IL1RAPL1: variants seen among roughly 807,000 people sequenced by gnomAD.
The protein encoded by IL1RAPL1 is interleukin 1 receptor accessory protein like 1, also known as interleukin-1 receptor accessory protein-like 1.
Under a neutral mutation model 48.4 loss-of-function variants are expected in IL1RAPL1, and 3 were observed. The ratio of observed to expected loss-of-function variants is 0.06; its 90% confidence interval spans 0.03 to 0.16. IL1RAPL1 has a LOEUF of 0.16. Among genes scored for constraint, IL1RAPL1 ranks in the 10% least tolerant of loss-of-function variants. The probability of loss-of-function intolerance (pLI) is 1.00; values close to 1 mark genes in which losing one functional copy is unlikely to be tolerated. For synonymous variants in IL1RAPL1, 185 were observed against 187.7 expected (o/e 0.99, Z 0.12); for missense variants, 349 against 530.6 (o/e 0.66, Z 3.36).
At chrX:28,789,287 G>A in intron 1 of IL1RAPL1, 33 bp from the exon 2 acceptor site, 1 of 835,535 alleles carries the variant, frequency 1.2e-6, no homozygotes, top group African/African-American at 2.0e-5. Context: ...TTTAAAACAT[G>A]TATGTTTTTC....
At chrX:29,112,985 G>A (rs1928605804) in intron 2 of IL1RAPL1, among the ~76,000 whole-genome samples, 1 of 109,558 alleles carries the variant, frequency 9.1e-6, no homozygotes, top group Non-Finnish European at 1.9e-5. Flanking sequence ...CTAGTTTTTT[G>A]TATTTTTAGT....
chrX:29,786,306 G>C (rs1036750501), intron 6 of IL1RAPL1, among the ~76,000 whole-genome samples: 7 of 111,150 alleles, frequency 6.3e-5, no homozygotes, highest in Non-Finnish European at 1.1e-4. Flanking sequence ...AAGGAAATAA[G>C]AGCACCCAGA....
chrX:29,713,220 T>C (rs1049255030), intron 6 of IL1RAPL1, among the ~76,000 whole-genome samples: 1 of 111,943 alleles, frequency 8.9e-6, no homozygotes, highest in African/African-American at 3.2e-5. Flanking sequence ...ATGTTTCTTG[T>C]AGCTATTTGA....
rs186659557 is a variant in IL1RAPL1, at chrX:29,569,772, T to A, written c.704-98658T>A. Among the ~76,000 whole-genome samples, 628 of 112,124 alleles carry A rather than the reference T, an allele frequency of 5.6e-3. 6 individuals carry two copies. Among genetic ancestry groups the A allele is most frequent in the Middle Eastern group, 0.023 (5 of 215 alleles). Reference sequence around the variant, plus strand: ...TATCAATGTAGGATAAATGGAAACATGTTAAGATTTGATTATTAAGCTTTG... The same window carrying A: ...TATCAATGTAGGATAAATGGAAACAAGTTAAGATTTGATTATTAAGCTTTG... On this transcript the variant is annotated intron_variant, in intron 5 of 10. Coordinates refer to ENST00000378993, the MANE Select transcript of IL1RAPL1 (RefSeq NM_014271.4).
intron 6 of IL1RAPL1, among the ~76,000 whole-genome samples, chrX:29,725,371 C>T (rs150123059): frequency 0.01 from 1,152 of 111,041 alleles, 11 homozygotes; most frequent in African/African-American, 0.035. Context: ...GCTTCCTAAG[C>T]CCTCATGGTT....
At chrX:29,410,362 G>A (rs959454041) in intron 5 of IL1RAPL1, among the ~76,000 whole-genome samples, 5 of 108,711 alleles carry the variant, frequency 4.6e-5, no homozygotes. Context: ...TCAGGAGGCT[G>A]AGGCAGGAGA....
intron 5 of IL1RAPL1, among the ~76,000 whole-genome samples, chrX:29,592,012 T>A (rs1406482647): frequency 3.6e-5 from 4 of 111,567 alleles, no homozygotes; most frequent in Non-Finnish European, 7.5e-5. Flanking sequence ...GAGGATCTGA[T>A]GAACGGGTGA....
At chrX:29,944,314 C>T (rs912132896) in intron 9 of IL1RAPL1, among the ~76,000 whole-genome samples, 1 of 111,371 alleles carries the variant, frequency 9.0e-6, no homozygotes, top group Non-Finnish European at 1.9e-5. Flanking sequence ...TAAAGCAGAC[C>T]CGTTCCTGCT....
At chrX:29,467,498 A>G (rs1395737971) in intron 5 of IL1RAPL1, among the ~76,000 whole-genome samples, 1 of 112,352 alleles carries the variant, frequency 8.9e-6, no homozygotes, top group African/African-American at 3.2e-5. Flanking sequence ...GCAGCACTCA[A>G]ACCCCTTGAG....
intron 5 of IL1RAPL1, among the ~76,000 whole-genome samples, chrX:29,653,077 T>G (rs748246206): frequency 1.2e-3 from 134 of 112,056 alleles, no homozygotes; most frequent in African/African-American, 4.0e-3. Flanking sequence ...TGGCTCTAAC[T>G]GTACAATGTA....
intron 2 of IL1RAPL1, among the ~76,000 whole-genome samples, chrX:29,235,451 A>C (rs930623183): frequency 9.1e-6 from 1 of 110,294 alleles, no homozygotes; most frequent in Non-Finnish European, 1.9e-5. Flanking sequence ...ACAAATTTCT[A>C]ATTTATGTTT....
intron 1 of IL1RAPL1, among the ~76,000 whole-genome samples, chrX:28,611,860 TATG>T (rs1286678528): frequency 8.9e-6 from 1 of 112,561 alleles, no homozygotes; most frequent in Non-Finnish European, 1.9e-5. Context: ...CAAGATAAAA[TATG>T]ATGAGGGCCA....
chrX:28,692,028 A>G (rs991139763), intron 1 of IL1RAPL1, among the ~76,000 whole-genome samples: 1 of 111,547 alleles, frequency 9.0e-6, no homozygotes, highest in Non-Finnish European at 1.9e-5. Flanking sequence ...AAGAGCTGGC[A>G]TGTGCAGAGA....
At chrX:29,703,654 A>G (rs1354709010) in intron 6 of IL1RAPL1, among the ~76,000 whole-genome samples, 1 of 111,908 alleles carries the variant, frequency 8.9e-6, no homozygotes, top group Non-Finnish European at 1.9e-5. Context: ...ATATATTTTA[A>G]TACTAAGTTT....
intron 3 of IL1RAPL1, among the ~76,000 whole-genome samples, chrX:29,344,347 C>A (rs1241831451): frequency 8.9e-6 from 1 of 111,952 alleles, no homozygotes; most frequent in African/African-American, 3.2e-5. Context: ...CTATTTTCAT[C>A]TATGGAATTA....
At position 28,972,557 on chromosome X, in the gene IL1RAPL1, T is replaced by C. The variant is rs374134903; in HGVS notation, c.82+183132T>C. ...ATCGAGACCATCCTGGCTAATACAGTGAAACCCCGTCTCCACTAAAAATAC... is the reference window on the plus strand; with the variant it reads ...ATCGAGACCATCCTGGCTAATACAGCGAAACCCCGTCTCCACTAAAAATAC... On this transcript the variant is annotated intron_variant, in intron 2 of 10. Coordinates refer to ENST00000378993, the MANE Select transcript of IL1RAPL1 (RefSeq NM_014271.4). 1.5e-3 allele frequency among the ~76,000 whole-genome samples: 160 copies of C among 109,985 alleles called. 3 individuals carry two copies. In the South Asian group the frequency reaches 0.06, roughly 41 times the overall value.
At chrX:29,378,369 C>T (rs1182420326) in intron 3 of IL1RAPL1, among the ~76,000 whole-genome samples, 1 of 111,054 alleles carries the variant, frequency 9.0e-6, no homozygotes, top group Non-Finnish European at 1.9e-5. Context: ...TTATGTCTGT[C>T]ATTTTAGTCG....
chrX:28,785,928 A>G (rs1337103561), intron 1 of IL1RAPL1, among the ~76,000 whole-genome samples: 2 of 112,052 alleles, frequency 1.8e-5, no homozygotes, highest in Admixed American at 9.5e-5. Flanking sequence ...GGGTTTAAAT[A>G]TCAAAATTGA....
At chrX:29,952,460 T>C (rs1933337573) in intron 9 of IL1RAPL1, among the ~76,000 whole-genome samples, 1 of 112,293 alleles carries the variant, frequency 8.9e-6, no homozygotes, top group Admixed American at 9.4e-5. Flanking sequence ...CATCTCCTGC[T>C]AGGCTAGAAA....
Sources: allele counts gnomAD v4.1 joint callset (sites outside exome capture counted in the v4.1 genomes callset), GRCh38; gene constraint gnomAD v4.1.1; transcripts MANE v1.5; gene names NCBI Gene and HGNC (gene_info 2026-07-23, HGNC 2026-07-21).